TBC1D8: variants seen among roughly 807,000 people sequenced by gnomAD.
The protein encoded by TBC1D8 is TBC1 domain family member 8, also known as BUB2-like protein 1.
Under a neutral mutation model 118.8 loss-of-function variants are expected in TBC1D8, and 65 were observed. The observed-to-expected ratio is 0.55, with a 90% CI of 0.45 to 0.67. TBC1D8 has a LOEUF of 0.67. Ranked by LOEUF, TBC1D8 falls within the 30% of genes least tolerant of loss-of-function variation. The pLI is 0.00. For synonymous variants in TBC1D8, 566 were observed against 595.8 expected (o/e 0.95, Z 0.73); for missense variants, 1,376 against 1,471.2 (o/e 0.94, Z 1.06).
At chr2:101,059,272 G>T in intron 3 of TBC1D8, 149 bp downstream of exon 3, 3 of 483,064 alleles carry the variant, frequency 6.2e-6, no homozygotes, top group Non-Finnish European at 1.1e-5. Flanking sequence ...ACAAAGTTAA[G>T]ACAGGTGATA....
rs1039830031 is a variant in TBC1D8 at position 101,120,780 on chromosome 2, C to A, written c.127+30347G>T. On this transcript the variant is annotated intron_variant, in intron 1 of 19. Coordinates refer to ENST00000409318, the MANE Select transcript of TBC1D8 (RefSeq NM_001330348.2). ...CCATGGGCAGTGACTCATGTCTGACCTTAACAAGAGCTGGCTCACAACCAC... is the reference window on the plus strand; with the variant it reads ...CCATGGGCAGTGACTCATGTCTGACATTAACAAGAGCTGGCTCACAACCAC... Among the ~76,000 whole-genome samples the A allele has an allele frequency of 1.2e-4, 19 of 152,306 alleles. No homozygotes were observed. The South Asian group carries it at 2.1e-3, about 17-fold the overall frequency.
intron 2 of TBC1D8, among the ~76,000 whole-genome samples, chr2:101,068,920 A>G (rs984297498): frequency 2.6e-5 from 4 of 151,786 alleles, no homozygotes; most frequent in African/African-American, 9.7e-5. Context: ...GAATCGCTTG[A>G]ACCTGGGAGG....
In TBC1D8 at chr2:101,151,279, GC is replaced by G; in HGVS notation, c.-27del. ...CGCGGCGGTCCGGCCGCGCCCGCCGGCCCCAGCTCACATCTCCCCGGCCGCC... is the reference window on the plus strand; with the variant it reads ...CGCGGCGGTCCGGCCGCGCCCGCCGGCCCAGCTCACATCTCCCCGGCCGCC... On this transcript the variant is annotated 5_prime_UTR_variant, in exon 1 of 20. Transcript: ENST00000409318. 3 of 1,135,850 alleles carry G rather than the reference GC, an allele frequency of 2.6e-6. No individual in the cohort carries two copies. Among genetic ancestry groups the G allele is most frequent in the South Asian group, 3.3e-5 (1 of 30,614 alleles). The allele number at this position is 1,135,850 out of a possible 1,614,324, so 70.4% of individuals were successfully genotyped here. A position where few individuals can be genotyped will look rare whatever the true frequency, so the allele number is the denominator to read the frequency against.
intron 1 of TBC1D8, among the ~76,000 whole-genome samples, chr2:101,130,457 G>A (rs1489887624): frequency 6.6e-6 from 1 of 152,220 alleles, no homozygotes; most frequent in East Asian, 1.9e-4. Context: ...TCGCCCCAGT[G>A]CTTTTGATCC....
Position 101,007,663 on chromosome 2 carries a change from G to A in TBC1D8, c.*158C>T. The A allele has an allele frequency of 2.8e-6, 2 of 708,246 alleles. No individual in the cohort carries two copies. Among genetic ancestry groups the A allele is most frequent in the Non-Finnish European group, 4.7e-6 (2 of 421,646 alleles). 43.9% of individuals were successfully genotyped at this position (708,246 alleles called of 1,614,324 possible). A position where few individuals can be genotyped will look rare whatever the true frequency, so the allele number is the denominator to read the frequency against. ...TCTCAATACATAGAAATGCTTGAGG[G>A]TTGTGTCGGTTCCCCTGGCCACAGT... On this transcript the variant is annotated 3_prime_UTR_variant, in exon 20 of 20. Transcript: ENST00000409318.
Position 101,007,751 on chromosome 2 carries a change from G to T in TBC1D8, c.*70C>A. 1 of 1,489,714 alleles carries T rather than the reference G, an allele frequency of 6.7e-7. No individual in the cohort carries two copies. Among genetic ancestry groups the T allele is most frequent in the Non-Finnish European group, 9.2e-7 (1 of 1,091,164 alleles). The allele number at this position is 1,489,714 out of a possible 1,614,324, so 92.3% of individuals were successfully genotyped here. ...TAGACTGAAATCTCGGTTTAGGGCT[G>T]ACCCCAAGAAACAGTCTGGTTCGTG... On this transcript the variant is annotated 3_prime_UTR_variant, in exon 20 of 20. Transcript: ENST00000409318.
In TBC1D8 at chr2:101,151,321, A is replaced by G; in HGVS notation, c.-68T>C. On this transcript the variant is annotated 5_prime_UTR_variant, in exon 1 of 20. Transcript: ENST00000409318. Reference sequence around the variant, plus strand: ...CCCGGCCGCCGGTCGCTGTGAGCCGAGCCCGCTCGAGAGGCGACGGCGGCG... The same window carrying G: ...CCCGGCCGCCGGTCGCTGTGAGCCGGGCCCGCTCGAGAGGCGACGGCGGCG... 1 of 1,092,984 alleles carries G rather than the reference A, an allele frequency of 9.1e-7. No individual in the cohort carries two copies. The allele number at this position is 1,092,984 out of a possible 1,614,324, so 67.7% of individuals were successfully genotyped here.
intron 1 of TBC1D8, among the ~76,000 whole-genome samples, chr2:101,094,094 C>CCCCA (rs1390614468): frequency 1.3e-5 from 2 of 152,122 alleles, no homozygotes; most frequent in Non-Finnish European, 2.9e-5. Flanking sequence ...CTATAACACA[C>CCCCA]CCCACCCCTG....
At chr2:101,138,311 AC>A (rs1406728146) in intron 1 of TBC1D8, among the ~76,000 whole-genome samples, 3 of 152,220 alleles carry the variant, frequency 2.0e-5, no homozygotes, top group Non-Finnish European at 4.4e-5. Flanking sequence ...AAAGAAAAAA[AC>A]ATTATCCTTT....
At chr2:101,028,709 G>T (rs1400775362) in intron 12 of TBC1D8, among the ~76,000 whole-genome samples, 1 of 152,148 alleles carries the variant, frequency 6.6e-6, no homozygotes, top group Non-Finnish European at 1.5e-5. Flanking sequence ...CTTCCATCAT[G>T]CTCTGAAAGA....
intron 1 of TBC1D8, among the ~76,000 whole-genome samples, chr2:101,142,638 T>G (rs1460625301): frequency 6.6e-6 from 1 of 151,394 alleles, no homozygotes. Flanking sequence ...ATGCAGGGGG[T>G]GGGGTGATCA....
chr2:101,098,774 A>G (rs1340706534), intron 1 of TBC1D8, among the ~76,000 whole-genome samples: 1 of 152,216 alleles, frequency 6.6e-6, no homozygotes, highest in Non-Finnish European at 1.5e-5. Flanking sequence ...TCCTGGGTAA[A>G]TTATGAAATT....
At chr2:101,041,970 A>T (rs1681412534) in intron 5 of TBC1D8, among the ~76,000 whole-genome samples, 1 of 152,104 alleles carries the variant, frequency 6.6e-6, no homozygotes, top group Non-Finnish European at 1.5e-5. Context: ...GGTTGCAGTG[A>T]GTCGAGATCG....
At chr2:101,019,204 CTGA>C in intron 17 of TBC1D8, 1 of 772,676 alleles carries the variant, frequency 1.3e-6, no homozygotes. Flanking sequence ...CAACAAGGTA[CTGA>C]TGTCTTCTGC....
chr2:101,137,177 C>T (rs1413466742), intron 1 of TBC1D8, among the ~76,000 whole-genome samples: 3 of 151,972 alleles, frequency 2.0e-5, no homozygotes, highest in African/African-American at 7.2e-5. Context: ...GGATTACAGG[C>T]GTGTGCCACC....
chr2:101,063,479 A>G (rs1342796306), intron 2 of TBC1D8, among the ~76,000 whole-genome samples: 1 of 152,232 alleles, frequency 6.6e-6, no homozygotes, highest in Non-Finnish European at 1.5e-5. Flanking sequence ...TCTCCCAGCA[A>G]AGACAATCAA....
intron 1 of TBC1D8, among the ~76,000 whole-genome samples, chr2:101,131,945 G>T (rs1286522304): frequency 6.6e-6 from 1 of 152,156 alleles, no homozygotes; most frequent in African/African-American, 2.4e-5. Flanking sequence ...TTTAAAAATT[G>T]TTATAGGTAT....
rs374487854 is a variant in TBC1D8, at chr2:101,117,822, G to A, written c.128-27458C>T. Among the ~76,000 whole-genome samples the A allele has an allele frequency of 9.5e-3, 1,431 of 151,094 alleles. 22 individuals carry two copies. The highest frequency in any genetic ancestry group is 0.068 in the South Asian group (323 of 4,746). On this transcript the variant is annotated intron_variant, in intron 1 of 19. Coordinates refer to ENST00000409318, the MANE Select transcript of TBC1D8 (RefSeq NM_001330348.2). ...GATCTCCTGATCTTGTGATCCGCCCGGCTCGGCCTCCCAAAGTGCTGGGAT... is the reference window on the plus strand; with the variant it reads ...GATCTCCTGATCTTGTGATCCGCCCAGCTCGGCCTCCCAAAGTGCTGGGAT...
In TBC1D8 at chr2:101,029,785, G is replaced by C. The variant is rs574360263; in HGVS notation, c.1937-9C>G. ...CTGGTCAACTTGTGCCCCTGGAAAA[G>C]AAAGGGCACAGGGCTCTGGCTGGGG... On this transcript the variant is annotated splice_polypyrimidine_tract_variant and intron_variant, in intron 11 of 19. Transcript: ENST00000409318. 6.2e-7 allele frequency: 1 copy of C among 1,611,300 alleles called. No individual in the cohort carries two copies. Among genetic ancestry groups the C allele is most frequent in the African/African-American group, 1.3e-5 (1 of 74,970 alleles).
Sources: gnomAD v4.1 joint callset for allele counts (sites outside exome capture counted in the v4.1 genomes callset) on GRCh38, gnomAD v4.1.1 for gene constraint, MANE v1.5 for transcripts, NCBI Gene and HGNC (gene_info 2026-07-23, HGNC 2026-07-21) for gene names.